CCDC86: variants seen among roughly 807,000 people sequenced by gnomAD.
CCDC86 encodes coiled-coil domain containing 86.
A neutral mutation model predicts 36.7 loss-of-function variants in CCDC86; 28 were observed. The ratio of observed to expected loss-of-function variants is 0.76; its 90% CI spans 0.57 to 1.05. The LOEUF is 1.05. CCDC86 is among the 50% of genes least tolerant of loss of function. The probability of loss-of-function intolerance (pLI) is 0.00; values close to 1 mark genes in which losing one functional copy is unlikely to be tolerated. For missense variants in CCDC86, 453 were observed against 470.2 expected (o/e 0.96, Z 0.34); for synonymous variants, 199 against 203.4 (o/e 0.98, Z 0.18).
At position 60,847,760 on chromosome 11, in the gene CCDC86, G is replaced by A. The variant is rs544130954; in HGVS notation, c.759-164G>A. 1.9e-4 allele frequency: 169 copies of A among 879,344 alleles called. No homozygotes were observed. The African/African-American group carries it at 2.2e-3, about 11-fold the overall frequency. The allele number at this position is 879,344 out of a possible 1,614,324, so 54.5% of individuals were successfully genotyped here. On this transcript the variant is annotated intron_variant, in intron 1 of 3. Transcript: ENST00000227520. The stretch of plus-strand genomic sequence containing the variant: ...GCCAGCACGATCAGGGTTCCCTCCC[G>A]CCCCAAGTTTCTGCAGCCCTGGAAG...
Position 60,850,194 on chromosome 11 carries a change from T to C in CCDC86, c.964-12T>C. ...CAGCTGCACTAATGTCCTCCCCTCA[T>C]ACCACCCCCAGATCCGAAACCCCGC... On this transcript the variant is annotated splice_polypyrimidine_tract_variant and intron_variant, in intron 3 of 3. Transcript: ENST00000227520. 1.2e-6 allele frequency: 2 copies of C among 1,614,052 alleles called. No individual in the cohort carries two copies. The highest frequency in any genetic ancestry group is 1.7e-6 in the Non-Finnish European group (2 of 1,179,978).
Position 60,850,857 on chromosome 11 carries a change from G to A in CCDC86, c.*532G>A, listed in dbSNP as rs1167545657. ...AAGATTAAAATGGGGAGGTTGCAGG[G>A]AGCAGAGCTTTTCCCTAGCACCCAC... On this transcript the variant is annotated 3_prime_UTR_variant, in exon 4 of 4. Transcript: ENST00000227520. 1 of 153,436 alleles carries A rather than the reference G, an allele frequency of 6.5e-6. No individual in the cohort carries two copies. The highest frequency in any genetic ancestry group is 1.9e-4 in the East Asian group (1 of 5,214). The allele number at this position is 153,436 out of a possible 1,614,324, so 9.5% of individuals were successfully genotyped here.
At chr11:60,845,735 AC>A (rs1474347212) in intron 1 of CCDC86, among the ~76,000 whole-genome samples, 5 of 152,208 alleles carry the variant, frequency 3.3e-5, no homozygotes, top group Non-Finnish European at 7.3e-5. Flanking sequence ...AGCACCTATT[AC>A]GTGTGTGTGT....
Position 60,850,273 on chromosome 11 carries a change from C to T in CCDC86, c.1031C>T (p.Thr344Ile). ...CTGCGCTCCATTGAGAAGCGGGACA[C>T]CCTGGCCCTGCTGCAGAAGCAGCCG... ...KQLRSIEKRDTLALLQKQPPQ... is the reference protein window; with the variant it reads ...KQLRSIEKRDILALLQKQPPQ... Residue 344 changes from threonine (T) to isoleucine (I), a missense_variant, in exon 4 of 4, where the codon ACC becomes ATC. Coordinates refer to ENST00000227520, the MANE Select transcript of CCDC86 (RefSeq NM_024098.4). 5 of 1,614,218 alleles carry T rather than the reference C, an allele frequency of 3.1e-6. No individual in the cohort carries two copies. Among genetic ancestry groups the T allele is most frequent in the Non-Finnish European group, 2.5e-6 (3 of 1,180,018 alleles).
chr11:60,843,261 A>G (rs2134798215), intron 1 of CCDC86, among the ~76,000 whole-genome samples: 1 of 152,356 alleles, frequency 6.6e-6, no homozygotes, highest in Middle Eastern at 3.4e-3. Flanking sequence ...AATATAGTCT[A>G]TTACAGTTAT....
At chr11:60,844,654 C>T (rs1467087056) in intron 1 of CCDC86, among the ~76,000 whole-genome samples, 1 of 152,232 alleles carries the variant, frequency 6.6e-6, no homozygotes. Context: ...CTGTACTTCT[C>T]TTTTGTAACA....
intron 1 of CCDC86, among the ~76,000 whole-genome samples, chr11:60,846,910 A>G (rs1449498436): frequency 6.6e-6 from 1 of 151,758 alleles, no homozygotes; most frequent in African/African-American, 2.4e-5. Flanking sequence ...AATATTTTAA[A>G]GTACATCCTA....
At position 60,842,343 on chromosome 11, in the gene CCDC86, G is replaced by A. The variant is rs759027524; in HGVS notation, c.219G>A (p.Gln73=). The A allele has an allele frequency of 6.2e-7, 1 of 1,613,694 alleles. No homozygotes were observed. The change falls in exon 1 of 4, where the codon CAG becomes CAA. Residue 73 remains glutamine (Q), a synonymous_variant. Transcript: ENST00000227520. Reference sequence around the variant, plus strand: ...CAAGCCCAGGATCACCCCGTCTGCAGCAGGGTGCAGGCTTGGAGTCACCCC... The same window carrying A: ...CAAGCCCAGGATCACCCCGTCTGCAACAGGGTGCAGGCTTGGAGTCACCCC... ...PKTSPGSPRL[Q]QGAGLESPQG... is the part of the protein sequence containing the mutation.
intron 2 of CCDC86, among the ~76,000 whole-genome samples, chr11:60,849,513 C>T (rs1855227541): frequency 6.6e-6 from 1 of 152,218 alleles, no homozygotes; most frequent in Non-Finnish European, 1.5e-5. Context: ...TCACCCCTAG[C>T]CTGGCATTCT....
At position 60,842,421 on chromosome 11, in the gene CCDC86, C is replaced by T. The variant is rs1189682753; in HGVS notation, c.297C>T (p.His99=). 6.2e-7 allele frequency: 1 copy of T among 1,614,028 alleles called. No individual in the cohort carries two copies. Among genetic ancestry groups the T allele is most frequent in the South Asian group, 1.1e-5 (1 of 91,084 alleles). Residue 99 remains histidine, a synonymous_variant, in exon 1 of 4, where the codon CAC becomes CAT. Transcript: ENST00000227520. Reference sequence around the variant, plus strand: ...CCCCCCAGCGTCAGCAAGACCTACACCTGGAGTCGCCTCAAAGACAGCCAG... The same window carrying T: ...CCCCCCAGCGTCAGCAAGACCTACATCTGGAGTCGCCTCAAAGACAGCCAG... ...AASPQRQQDL[H]LESPQRQPEY...
chr11:60,847,755 C>A, intron 1 of CCDC86, 169 bp from the exon 2 acceptor site: 1 of 831,056 alleles, frequency 1.2e-6, no homozygotes, highest in East Asian at 3.3e-5. Context: ...TCAGGGTTCC[C>A]TCCCGCCCCA....
Position 60,842,118 on chromosome 11 carries a change from C to G in CCDC86, c.-7C>G, listed in dbSNP as rs781704900. On this transcript the variant is annotated 5_prime_UTR_variant, in exon 1 of 4. Transcript: ENST00000227520. ...GCGCAGGGGTGTGGAAACTTACCGG[C>G]TGAGCCATGGATACACCGTTAAGGC... The G allele has an allele frequency of 5.2e-6, 8 of 1,531,232 alleles. No individual in the cohort carries two copies. Among genetic ancestry groups the G allele is most frequent in the East Asian group, 2.3e-5 (1 of 42,582 alleles). 94.9% of individuals were successfully genotyped at this position (1,531,232 alleles called of 1,614,324 possible).
intron 1 of CCDC86, among the ~76,000 whole-genome samples, chr11:60,847,088 TC>T (rs1475237951): frequency 4.6e-5 from 7 of 151,564 alleles, no homozygotes; most frequent in African/African-American, 1.5e-4. Context: ...TTTTCTTTTT[TC>T]TTTTTTTTTT....
intron 1 of CCDC86, chr11:60,847,691 A>G: frequency 2.7e-6 from 1 of 375,000 alleles, no homozygotes; most frequent in Non-Finnish European, 5.0e-6. Flanking sequence ...AGAGGATAGG[A>G]GTACCCACCT....
At chr11:60,843,637 A>T (rs1439213159) in intron 1 of CCDC86, among the ~76,000 whole-genome samples, 2 of 152,236 alleles carry the variant, frequency 1.3e-5, no homozygotes, top group Non-Finnish European at 2.9e-5. Flanking sequence ...TAAATGCCCA[A>T]TGAATGCTTA....
In CCDC86 at chr11:60,842,870, G is replaced by T; in HGVS notation, c.746G>T (p.Arg249Leu). 6.4e-7 allele frequency: 1 copy of T among 1,564,542 alleles called. No homozygotes were observed. The highest frequency in any genetic ancestry group is 1.2e-5 in the South Asian group (1 of 83,638). ...KPKSGRVWKDRSKKRFSQMLQ... is the reference protein window; with the variant it reads ...KPKSGRVWKDLSKKRFSQMLQ... ...AAATCGGGGCGAGTGTGGAAGGACC[G>T]CTCCAAGAAAAGGTGAAGTGGGGGA... Residue 249 changes from arginine to leucine, a missense_variant, in exon 1 of 4, where the codon CGC becomes CTC. Coordinates refer to ENST00000227520, the MANE Select transcript of CCDC86 (RefSeq NM_024098.4).
intron 1 of CCDC86, 46 bp downstream of exon 1, chr11:60,842,928 T>C (rs759472767): frequency 3.6e-5 from 55 of 1,519,926 alleles, no homozygotes; most frequent in Non-Finnish European, 4.4e-5. Context: ...CTCTATGGTG[T>C]TGGGACCCCG....
At chr11:60,845,163 G>A (rs118162188) in intron 1 of CCDC86, among the ~76,000 whole-genome samples, 2,409 of 152,296 alleles carry the variant, frequency 0.016, 32 homozygotes, top group Non-Finnish European at 0.024. Context: ...TATTGAGGCG[G>A]GAGCAAGCTC....
chr11:60,850,012 G>T lies in CCDC86; in HGVS notation c.961G>T (p.Val321Leu). The change falls in exon 3 of 4, where the codon GTG (valine) becomes TTG (leucine). Residue 321 changes from valine (V) to leucine (L), a missense_variant and splice_region_variant. Physicochemically the swap from Val to Leu is conservative, Grantham distance 32. Transcript: ENST00000227520. The stretch of plus-strand genomic sequence containing the variant: ...TGAGCGGAAGGCAGAGGTCGTCCAA[G>T]TGGTGAGTGTCTCGTTTTCCCCCTC... The part of the protein sequence containing the change: ...ENERKAEVVQ[V>L]IRNPAKLKRA... 6.2e-7 allele frequency: 1 copy of T among 1,614,168 alleles called. No individual in the cohort carries two copies.
Sources: allele counts gnomAD v4.1 joint callset (sites outside exome capture counted in the v4.1 genomes callset), GRCh38; gene constraint gnomAD v4.1.1; transcripts MANE v1.5; gene names NCBI Gene and HGNC (gene_info 2026-07-23, HGNC 2026-07-21).